OR9Q1: variants seen among roughly 807,000 people sequenced by gnomAD.
OR9Q1 encodes olfactory receptor family 9 subfamily Q member 1.
For synonymous variants in OR9Q1, 153 were observed against 148.6 expected, an observed-to-expected ratio of 1.03 and a Z score of -0.22; for missense variants, 374 against 378.8, an observed-to-expected ratio of 0.99 and a Z score of 0.11.
intron 2 of OR9Q1, among the ~76,000 whole-genome samples, chr11:58,125,975 T>A (rs1342113697): frequency 1.3e-5 from 2 of 152,188 alleles, no homozygotes; most frequent in East Asian, 1.9e-4. Context: ...TTAGTCCTGA[T>A]GTCAAGTCCC....
In OR9Q1 at chr11:58,181,016, C is replaced by A. The variant is rs75638755; in HGVS notation, c.*639C>A. On this transcript the variant is annotated 3_prime_UTR_variant, in exon 3 of 3. Transcript: ENST00000335397. ...TTGATGATCCAATTAGCAAAGCTGACCCTACTCAAGGTATGCCTTAATATT... is the reference window on the plus strand; with the variant it reads ...TTGATGATCCAATTAGCAAAGCTGAACCTACTCAAGGTATGCCTTAATATT... 1,454 of 167,122 alleles carry A rather than the reference C, an allele frequency of 8.7e-3. 10 individuals are homozygous for A. Among genetic ancestry groups the A allele is most frequent in the Middle Eastern group, 0.03 (9 of 296 alleles). The allele number at this position is 167,122 out of a possible 1,614,324, so 10.4% of individuals were successfully genotyped here.
chr11:58,044,236 T>C (rs760478573), intron 1 of OR9Q1: 1 of 152,246 alleles, frequency 6.6e-6, no homozygotes, highest in Non-Finnish European at 1.5e-5. Flanking sequence ...ATTTCCTTGA[T>C]GTGGACACAG....
intron 2 of OR9Q1, among the ~76,000 whole-genome samples, chr11:58,091,539 T>C (rs1202543639): frequency 6.6e-6 from 1 of 152,208 alleles, no homozygotes; most frequent in Non-Finnish European, 1.5e-5. Context: ...ACTTTTGCAT[T>C]TACTGAGGAG....
At chr11:58,134,071 A>T (rs915399621) in intron 2 of OR9Q1, among the ~76,000 whole-genome samples, 2 of 152,162 alleles carry the variant, frequency 1.3e-5, no homozygotes, top group African/African-American at 4.8e-5. Context: ...TTAGAAGCTG[A>T]TTGGCTGAGA....
In OR9Q1 at chr11:58,037,661, ATATATATATATATATATATATATATAT is replaced by A. The variant is rs1401013077; in HGVS notation, c.-93+13558_-93+13584del. Among the ~76,000 whole-genome samples the A allele has an allele frequency of 6.1e-3, 25 of 4,072 alleles. 1 individual carries two copies. The highest frequency in any genetic ancestry group is 0.017 in the Non-Finnish European group (23 of 1,392). The allele number at this position is 4,072 out of a possible 152,430, so 2.7% of individuals were successfully genotyped here. On this transcript the variant is annotated intron_variant, in intron 1 of 2. Transcript: ENST00000335397. ...AGCTTCTTAAAGAATAACTATATAT[ATATATATATATATATATATATATATAT>A]ATTTTTTTTTTTTTTTTTTTTTTTT...
intron 2 of OR9Q1, among the ~76,000 whole-genome samples, chr11:58,079,489 G>T (rs1853568959): frequency 6.6e-6 from 1 of 152,070 alleles, no homozygotes; most frequent in Non-Finnish European, 1.5e-5. Context: ...GATTGCAAAA[G>T]TGGCCACAAT....
At chr11:58,159,015 T>G (rs1854434196) in intron 2 of OR9Q1, among the ~76,000 whole-genome samples, 1 of 152,252 alleles carries the variant, frequency 6.6e-6, no homozygotes, top group Non-Finnish European at 1.5e-5. Context: ...TTTCCAGTCC[T>G]TACAATAAGT....
At chr11:58,044,395 C>T (rs1470196884) in intron 1 of OR9Q1, 1 of 152,170 alleles carries the variant, frequency 6.6e-6, no homozygotes, top group Non-Finnish European at 1.5e-5. Flanking sequence ...GGGTTGACTT[C>T]CTGGTTTCCA....
intron 2 of OR9Q1, among the ~76,000 whole-genome samples, chr11:58,149,188 C>A (rs1215084721): frequency 6.6e-6 from 1 of 152,048 alleles, no homozygotes; most frequent in Non-Finnish European, 1.5e-5. Flanking sequence ...ATTAAAACCC[C>A]TGAAAAAAGC....
At chr11:58,061,059 G>GAATA (rs1853376330) in intron 2 of OR9Q1, among the ~76,000 whole-genome samples, 1 of 152,102 alleles carries the variant, frequency 6.6e-6, no homozygotes, top group Non-Finnish European at 1.5e-5. Context: ...CTTAGTTGTT[G>GAATA]AGTGCATGAG....
In OR9Q1 at chr11:58,067,842, G is replaced by A. The variant is rs142501137; in HGVS notation, c.-15+11895G>A. On this transcript the variant is annotated intron_variant, in intron 2 of 2. Transcript: ENST00000335397. ...GCCCCAGACCTGCACTGACTTATAA[G>A]GTGGCCCTGCAGAAACGGGGAAGGG... Among the ~76,000 whole-genome samples the A allele has an allele frequency of 6.7e-4, 102 of 152,320 alleles. 1 individual carries two copies. In the East Asian group the frequency reaches 0.017, roughly 25 times the overall value.
chr11:58,121,222 A>C (rs1206662027), intron 2 of OR9Q1, among the ~76,000 whole-genome samples: 5 of 152,192 alleles, frequency 3.3e-5, no homozygotes, highest in African/African-American at 1.2e-4. Flanking sequence ...TTTATATTTG[A>C]GTCATGGAAA....
At chr11:58,112,287 C>T (rs372117231) in intron 2 of OR9Q1, among the ~76,000 whole-genome samples, 10 of 129,324 alleles carry the variant, frequency 7.7e-5, no homozygotes, top group African/African-American at 1.0e-4. Flanking sequence ...AGTGAGACTT[C>T]GTCTCAAAGA....
At chr11:58,107,357 C>A (rs77640983) in intron 2 of OR9Q1, among the ~76,000 whole-genome samples, 4 of 152,040 alleles carry the variant, frequency 2.6e-5, no homozygotes, top group African/African-American at 9.7e-5. Context: ...TGAGAACATG[C>A]GGTGTTTGGT....
At chr11:58,052,619 G>GAA (rs201518399) in intron 1 of OR9Q1, among the ~76,000 whole-genome samples, 7,650 of 50,132 alleles carry the variant, frequency 0.15, 681 homozygotes, top group Non-Finnish European at 0.18. Flanking sequence ...AGAAAAAAAG[G>GAA]AAAAAAAAAA....
At position 58,181,565 on chromosome 11, in the gene OR9Q1, A is replaced by G. The variant is rs1020474773; in HGVS notation, c.*1188A>G. On this transcript the variant is annotated 3_prime_UTR_variant, in exon 3 of 3. Transcript: ENST00000335397. ...TTCTTTTCCTGTCTCCTGGATTACT[A>G]AAAAAAAAAAAAAAAAAAAAAATCC... The G allele has an allele frequency of 8.8e-6, 1 of 113,452 alleles. No individual in the cohort carries two copies. The highest frequency in any genetic ancestry group is 5.1e-5 in the African/African-American group (1 of 19,542). 7.0% of individuals were successfully genotyped at this position (113,452 alleles called of 1,614,324 possible).
chr11:58,091,926 G>T (rs1012522604), intron 2 of OR9Q1, among the ~76,000 whole-genome samples: 2 of 148,854 alleles, frequency 1.3e-5, no homozygotes, highest in Admixed American at 6.7e-5. Flanking sequence ...ATCTTTCTTG[G>T]TTTAAAGTCT....
chr11:58,092,989 G>GT (rs921316394), intron 2 of OR9Q1, among the ~76,000 whole-genome samples: 37 of 150,898 alleles, frequency 2.5e-4, no homozygotes, highest in South Asian at 1.1e-3. Context: ...GTTTATTTTT[G>GT]TTTTTTTTTG....
At chr11:58,178,677 A>C (rs1196992188) in intron 2 of OR9Q1, among the ~76,000 whole-genome samples, 1 of 151,912 alleles carries the variant, frequency 6.6e-6, no homozygotes, top group East Asian at 1.9e-4. Flanking sequence ...TTCGGCTCAG[A>C]ATGGCTATCT....
Sources: gnomAD v4.1 joint callset for allele counts (sites outside exome capture counted in the v4.1 genomes callset) on GRCh38, gnomAD v4.1.1 for gene constraint, MANE v1.5 for transcripts, NCBI Gene and HGNC (gene_info 2026-07-23, HGNC 2026-07-21) for gene names.